Variants in CDH7 observed in about 807,000 individuals in gnomAD.
CDH7 encodes the protein cadherin 7.
Under a neutral mutation model 71.8 loss-of-function variants are expected in CDH7, and 25 were observed. The ratio of observed to expected loss-of-function variants is 0.35; its 90% CI spans 0.25 to 0.49. The LOEUF is 0.49. Among genes scored for constraint, CDH7 ranks in the 20% least tolerant of loss-of-function variants. The probability of loss-of-function intolerance (pLI) is 0.99; values close to 1 mark genes in which losing one functional copy is unlikely to be tolerated. For synonymous variants in CDH7, 381 were observed against 363.8 expected (o/e 1.05, Z -0.54); for missense variants, 862 against 974.6 (o/e 0.88, Z 1.54).
At chr18:65,871,542 G>A (rs1307683361) in intron 11 of CDH7, among the ~76,000 whole-genome samples, 2 of 152,160 alleles carry the variant, frequency 1.3e-5, no homozygotes, top group Non-Finnish European at 2.9e-5. Flanking sequence ...AATTGTTTGA[G>A]TGGAGCATGC....
At chr18:65,827,291 T>A (rs932637539) in intron 6 of CDH7, among the ~76,000 whole-genome samples, 2 of 151,830 alleles carry the variant, frequency 1.3e-5, no homozygotes, top group African/African-American at 4.8e-5. Context: ...TTAGGAAAAA[T>A]TAAGCACACA....
At chr18:65,875,120 G>T (rs990058386) in intron 11 of CDH7, among the ~76,000 whole-genome samples, 2 of 152,154 alleles carry the variant, frequency 1.3e-5, no homozygotes, top group African/African-American at 2.4e-5. Flanking sequence ...TGTATTTTAT[G>T]TGTGGCCCAA....
intron 4 of CDH7, among the ~76,000 whole-genome samples, chr18:65,817,124 T>C (rs1911751213): frequency 6.6e-6 from 1 of 152,196 alleles, no homozygotes; most frequent in Non-Finnish European, 1.5e-5. Flanking sequence ...CATCTAGCCA[T>C]GAAGCAAGCT....
chr18:65,819,062 G>A (rs184225025), intron 4 of CDH7, among the ~76,000 whole-genome samples: 4 of 152,078 alleles, frequency 2.6e-5, no homozygotes, highest in African/African-American at 2.4e-5. Flanking sequence ...AGCAGATGTC[G>A]ACATAAGAGA....
intron 11 of CDH7, chr18:65,865,410 A>G (rs1472088046): frequency 1.3e-5 from 2 of 152,140 alleles, no homozygotes; most frequent in African/African-American, 4.8e-5. Context: ...GCTTAAGTAG[A>G]CACCAAATTT....
chr18:65,861,471 C>T (rs755371942), intron 10 of CDH7, among the ~76,000 whole-genome samples: 43 of 149,970 alleles, frequency 2.9e-4, no homozygotes, highest in Admixed American at 6.6e-5. Context: ...AGGCATAGGC[C>T]TGCGTGCTAT....
chr18:65,781,432 A>T, intron 2 of CDH7, among the ~76,000 whole-genome samples: 1 of 152,122 alleles, frequency 6.6e-6, no homozygotes, highest in East Asian at 2.0e-4. Flanking sequence ...CCATACATAT[A>T]AATTACATAC....
rs1365033585 is a variant in CDH7 at position 65,762,955 on chromosome 18, T to A, written c.113T>A (p.Phe38Tyr). The change falls in exon 2 of 12, where the codon TTC (phenylalanine) becomes TAC (tyrosine). Residue 38 changes from phenylalanine to tyrosine, a missense_variant. Physicochemically the swap from Phe to Tyr is conservative, Grantham distance 22. Transcript: ENST00000397968. ...ELSRSRSKPY[F>Y]QSGRSRTKRS... The stretch of plus-strand genomic sequence containing the variant: ...TCAAGGTCCAGATCAAAGCCCTATT[T>A]CCAATCAGGGAGGTCCCGGACCAAG... 6.2e-7 allele frequency: 1 copy of A among 1,613,742 alleles called. No individual in the cohort carries two copies. The highest frequency in any genetic ancestry group is 1.7e-5 in the Admixed American group (1 of 59,984).
At chr18:65,774,384 A>C (rs752546057) in intron 2 of CDH7, among the ~76,000 whole-genome samples, 4 of 152,104 alleles carry the variant, frequency 2.6e-5, no homozygotes, top group Admixed American at 6.6e-5. Context: ...GTTAAATGAG[A>C]AACCCAATAT....
At chr18:65,878,411 A>T (rs1393944003) in intron 11 of CDH7, among the ~76,000 whole-genome samples, 2 of 152,196 alleles carry the variant, frequency 1.3e-5, no homozygotes, top group African/African-American at 4.8e-5. Context: ...TTGTTCCAAC[A>T]TCACACAGCT....
At chr18:65,782,399 C>G (rs764511751) in intron 2 of CDH7, among the ~76,000 whole-genome samples, 1 of 151,958 alleles carries the variant, frequency 6.6e-6, no homozygotes, top group South Asian at 2.1e-4. Flanking sequence ...TTCAAGTGAT[C>G]CACCTGCCTC....
At chr18:65,808,098 T>C (rs1911390791) in intron 2 of CDH7, among the ~76,000 whole-genome samples, 1 of 152,190 alleles carries the variant, frequency 6.6e-6, no homozygotes, top group South Asian at 2.1e-4. Context: ...TCCTCGTCTG[T>C]TAGTAGGATT....
chr18:65,763,102 A>G (rs895929282), intron 2 of CDH7, 50 bp downstream of exon 2: 3 of 1,313,810 alleles, frequency 2.3e-6, no homozygotes, highest in Non-Finnish European at 3.1e-6. Context: ...GTCCATGTCT[A>G]TGGTTTGATG....
chr18:65,765,748 T>C (rs760888254), intron 2 of CDH7, among the ~76,000 whole-genome samples: 7 of 152,136 alleles, frequency 4.6e-5, no homozygotes, highest in Non-Finnish European at 1.0e-4. Context: ...GATCACATAA[T>C]GGATAACTAC....
chr18:65,877,690 T>C (rs1914111883), intron 11 of CDH7, among the ~76,000 whole-genome samples: 1 of 152,174 alleles, frequency 6.6e-6, no homozygotes, highest in South Asian at 2.1e-4. Context: ...TCAACGTCCC[T>C]CTTCATTCCA....
chr18:65,834,317 T>G (rs1912458657), intron 6 of CDH7, among the ~76,000 whole-genome samples: 1 of 152,172 alleles, frequency 6.6e-6, no homozygotes, highest in Non-Finnish European at 1.5e-5. Context: ...AAGTCATGAA[T>G]ATAGGTCTGT....
intron 7 of CDH7, among the ~76,000 whole-genome samples, chr18:65,857,317 TATAATAATAATAATA>T (rs4047847): frequency 2.8e-3 from 368 of 131,912 alleles, no homozygotes; most frequent in Non-Finnish European, 4.2e-3. Context: ...ACCCTGCATC[TATAATAATAATAATA>T]ATAATAATAA....
intron 2 of CDH7, among the ~76,000 whole-genome samples, chr18:65,773,770 T>C (rs542015804): frequency 6.6e-5 from 10 of 152,094 alleles, no homozygotes; most frequent in Non-Finnish European, 1.3e-4. Flanking sequence ...AAGCGTAATA[T>C]CTGTATGTTC....
Position 65,780,131 on chromosome 18 carries a change from G to A in CDH7, c.210+17079G>A, listed in dbSNP as rs1173646149. Among the ~76,000 whole-genome samples, 120 of 103,916 alleles carry A rather than the reference G, an allele frequency of 1.2e-3. 13 individuals carry two copies. The highest frequency in any genetic ancestry group is 2.4e-3 in the African/African-American group (44 of 18,454). 68.2% of individuals were successfully genotyped at this position (103,916 alleles called of 152,430 possible). The stretch of plus-strand genomic sequence containing the variant: ...TGAGAAGTGTCTGTTCATGTCCTTC[G>A]CCCACTTTTTGATGGGGTTGTTTGT... On this transcript the variant is annotated intron_variant, in intron 2 of 11. Transcript: ENST00000397968.
Sources: allele counts gnomAD v4.1 joint callset (sites outside exome capture counted in the v4.1 genomes callset), GRCh38; gene constraint gnomAD v4.1.1; transcripts MANE v1.5; gene names NCBI Gene and HGNC (gene_info 2026-07-23, HGNC 2026-07-21).